The following MRTFB variants were observed in gnomAD, a reference collection of about 807,000 sequenced individuals.
MRTFB encodes the protein myocardin-related transcription factor B.
MRTFB carries 29 observed loss-of-function variants against 104.2 expected under a neutral mutation model. The ratio of observed to expected loss-of-function variants is 0.28; its 90% CI spans 0.21 to 0.38. The LOEUF is 0.38. MRTFB is among the 10% of genes least tolerant of loss of function. The probability of loss-of-function intolerance (pLI) is 1.00; values close to 1 mark genes in which losing one functional copy is unlikely to be tolerated. For synonymous variants in MRTFB, 535 were observed against 519.5 expected, an observed-to-expected ratio of 1.03 and a Z score of -0.41; for missense variants, 1,270 against 1,341.6, an observed-to-expected ratio of 0.95 and a Z score of 0.83.
the MRTFB span, among the ~76,000 whole-genome samples, chr16:14,061,762 T>A: frequency 6.6e-6 from 1 of 152,042 alleles, no homozygotes; most frequent in African/African-American, 2.4e-5. Flanking sequence ...CAAGGAAGGA[T>A]GTATTTTCTG....
intron 2 of MRTFB, among the ~76,000 whole-genome samples, chr16:14,088,167 T>A (rs978494049): frequency 6.6e-6 from 1 of 152,206 alleles, no homozygotes; most frequent in African/African-American, 2.4e-5. Flanking sequence ...TACTGTGATA[T>A]AAACTCTCAA....
intron 2 of MRTFB, among the ~76,000 whole-genome samples, chr16:14,095,816 A>G (rs1217370370): frequency 6.6e-6 from 1 of 152,124 alleles, no homozygotes; most frequent in Non-Finnish European, 1.5e-5. Context: ...TTGTTTTTTG[A>G]TCTTTTGTTT....
At chr16:14,007,700 C>T in the MRTFB span, among the ~76,000 whole-genome samples, 18,512 of 152,174 alleles carry the variant, frequency 0.12, 1,756 homozygotes, top group African/African-American at 0.26. Context: ...GATGATGGTT[C>T]GAATTTCACT....
chr16:14,145,541 G>A (rs552284739), intron 3 of MRTFB, among the ~76,000 whole-genome samples: 2 of 152,180 alleles, frequency 1.3e-5, no homozygotes, highest in Non-Finnish European at 2.9e-5. Context: ...GCACATAGGA[G>A]AGATACTTAG....
In MRTFB at chr16:14,129,858, T is replaced by A. The variant is rs563631806; in HGVS notation, c.-63-10686T>A. ...TTTGTTTGTTTTTTGAGATGGAGTTTCGCTCTGTTGCCCAGGCTGGAGTGC... is the reference window on the plus strand; with the variant it reads ...TTTGTTTGTTTTTTGAGATGGAGTTACGCTCTGTTGCCCAGGCTGGAGTGC... On this transcript the variant is annotated intron_variant, in intron 2 of 16. Coordinates refer to ENST00000571589, the MANE Select transcript of MRTFB (RefSeq NM_001308142.2). Among the ~76,000 whole-genome samples the A allele has an allele frequency of 2.0e-5, 3 of 152,320 alleles. No homozygotes were observed. In the South Asian group the frequency reaches 6.2e-4, roughly 32 times the overall value.
At position 14,190,531 on chromosome 16, in the gene MRTFB, G is replaced by A. The variant is rs138247588; in HGVS notation, c.155-19712G>A. Among the ~76,000 whole-genome samples the A allele has an allele frequency of 7.9e-4, 121 of 152,284 alleles. No homozygotes were observed. The East Asian group carries it at 0.013, about 17-fold the overall frequency. ...AATTCTAATGCTACTAGCTAGTTAT[G>A]TTCCATATTTATCACAGGCAAATGG... On this transcript the variant is annotated intron_variant, in intron 3 of 16. Coordinates refer to ENST00000571589, the MANE Select transcript of MRTFB (RefSeq NM_001308142.2).
intron 1 of MRTFB, among the ~76,000 whole-genome samples, chr16:14,073,305 C>T (rs1377108432): frequency 3.3e-5 from 5 of 152,282 alleles, no homozygotes; most frequent in Admixed American, 1.3e-4. Context: ...ATCCAGGCCC[C>T]CCAAACCCTA....
chr16:14,175,284 C>G (rs193041122), intron 3 of MRTFB, among the ~76,000 whole-genome samples: 188 of 152,270 alleles, frequency 1.2e-3, no homozygotes, highest in Middle Eastern at 3.4e-3. Flanking sequence ...TTTCAACACC[C>G]TTAGAAATTT....
At chr16:14,063,834 C>T in the MRTFB span, among the ~76,000 whole-genome samples, 581 of 152,292 alleles carry the variant, frequency 3.8e-3, 3 homozygotes, top group Non-Finnish European at 6.6e-3. Context: ...GCATAGTATT[C>T]CATGGTGTAT....
intron 3 of MRTFB, among the ~76,000 whole-genome samples, chr16:14,147,751 T>C (rs1339637146): frequency 6.6e-6 from 1 of 152,186 alleles, no homozygotes; most frequent in African/African-American, 2.4e-5. Context: ...AGCAAGACCA[T>C]GGACCCCATT....
At chr16:14,215,444 AG>A (rs1276226399) in intron 6 of MRTFB, among the ~76,000 whole-genome samples, 1 of 152,226 alleles carries the variant, frequency 6.6e-6, no homozygotes, top group African/African-American at 2.4e-5. Context: ...CTTCAGCCTC[AG>A]TCATGGAGAT....
chr16:14,039,760 C>CTTTT, the MRTFB span, among the ~76,000 whole-genome samples: 4 of 121,942 alleles, frequency 3.3e-5, no homozygotes, highest in Non-Finnish European at 5.1e-5. Flanking sequence ...ATAATATGTT[C>CTTTT]TTTTTTTTTT....
chr16:14,182,860 C>T (rs1389380737), intron 3 of MRTFB, among the ~76,000 whole-genome samples: 1 of 152,122 alleles, frequency 6.6e-6, no homozygotes, highest in Non-Finnish European at 1.5e-5. Flanking sequence ...AGATTATAAG[C>T]TATTGCATGA....
chr16:14,127,517 G>C (rs1251214287), intron 2 of MRTFB, among the ~76,000 whole-genome samples: 1 of 151,604 alleles, frequency 6.6e-6, no homozygotes, highest in African/African-American at 2.4e-5. Flanking sequence ...GGTGGTGGGC[G>C]CCTGTAGTCC....
the MRTFB span, among the ~76,000 whole-genome samples, chr16:14,016,807 A>ACCAATTC: frequency 2.1e-5 from 3 of 141,624 alleles, no homozygotes; most frequent in South Asian, 4.5e-4. Context: ...AAAGACCCTG[A>ACCAATTC]CCTATTCCCA....
intron 2 of MRTFB, among the ~76,000 whole-genome samples, chr16:14,079,555 C>T (rs887851814): frequency 1.3e-5 from 2 of 152,018 alleles, no homozygotes; most frequent in African/African-American, 2.4e-5. Context: ...TCAACCTCTT[C>T]GAATCTAATC....
At chr16:14,100,289 T>C (rs1461317337) in intron 2 of MRTFB, among the ~76,000 whole-genome samples, 2 of 152,210 alleles carry the variant, frequency 1.3e-5, no homozygotes, top group Non-Finnish European at 2.9e-5. Flanking sequence ...ATTCCTAGTT[T>C]GCTGAGAGTT....
the MRTFB span, among the ~76,000 whole-genome samples, chr16:14,038,574 G>C: frequency 5.6e-4 from 85 of 152,302 alleles, no homozygotes; most frequent in African/African-American, 1.8e-3. Flanking sequence ...ATACCTACCA[G>C]AGCACATGGT....
At chr16:14,231,295 A>G (rs1336409310) in intron 8 of MRTFB, among the ~76,000 whole-genome samples, 1 of 125,862 alleles carries the variant, frequency 7.9e-6, no homozygotes, top group East Asian at 1.9e-4. Context: ...ATAATAAAAT[A>G]AAAAATAAAA....
Sources: allele counts gnomAD v4.1 joint callset (sites outside exome capture counted in the v4.1 genomes callset), GRCh38; gene constraint gnomAD v4.1.1; transcripts MANE v1.5; gene names NCBI Gene and HGNC (gene_info 2026-07-23, HGNC 2026-07-21).